Variants in MMP20 observed in about 807,000 individuals in gnomAD.
MMP20 encodes the protein matrix metalloproteinase-20.
In MMP20, 50 loss-of-function variants were observed where a neutral mutation model predicts 51.8. That is an observed-to-expected ratio of 0.97 (90% CI 0.77 to 1.22). The LOEUF (loss-of-function observed/expected upper bound fraction) is 1.22. MMP20 is among the 50% of genes most tolerant of loss of function. The pLI, the probability that MMP20 is intolerant of heterozygous loss-of-function variation, is 0.00. For synonymous variants in MMP20, 244 were observed against 216.2 expected, an observed-to-expected ratio of 1.13 and a Z score of -1.13; for missense variants, 663 against 601.4, an observed-to-expected ratio of 1.10 and a Z score of -1.07.
intron 8 of MMP20, among the ~76,000 whole-genome samples, chr11:102,580,313 A>G (rs1159371296): frequency 6.6e-6 from 1 of 152,258 alleles, no homozygotes; most frequent in Non-Finnish European, 1.5e-5. Flanking sequence ...TCATTAGCAC[A>G]GAGTTCCAAA....
intron 1 of MMP20, among the ~76,000 whole-genome samples, chr11:102,622,135 A>G (rs763116125): frequency 6.6e-6 from 1 of 152,256 alleles, no homozygotes; most frequent in Admixed American, 6.5e-5. Flanking sequence ...ACAAGTGGAC[A>G]TTAAATAAAT....
chr11:102,585,688 G>C (rs1429486294), intron 8 of MMP20, among the ~76,000 whole-genome samples: 1 of 152,118 alleles, frequency 6.6e-6, no homozygotes, highest in Non-Finnish European at 1.5e-5. Flanking sequence ...TTGATGTTAG[G>C]AGGAATGCAT....
intron 6 of MMP20, among the ~76,000 whole-genome samples, chr11:102,600,213 G>A (rs1042881832): frequency 2.0e-5 from 3 of 152,138 alleles, no homozygotes; most frequent in Non-Finnish European, 2.9e-5. Context: ...CCTGTTCCAT[G>A]GTGGGCTTAC....
At chr11:102,605,946 C>T (rs1005280154) in intron 6 of MMP20, among the ~76,000 whole-genome samples, 21 of 152,058 alleles carry the variant, frequency 1.4e-4, no homozygotes, top group Admixed American at 1.0e-3. Flanking sequence ...GTGAAAGGCC[C>T]GGAGGCACTG....
intron 8 of MMP20, among the ~76,000 whole-genome samples, chr11:102,589,821 T>C (rs1310409539): frequency 2.6e-5 from 4 of 152,168 alleles, no homozygotes; most frequent in Non-Finnish European, 5.9e-5. Context: ...AAAACAAGAT[T>C]TTTGAACCCT....
chr11:102,593,624 A>G (rs781132925), intron 7 of MMP20, 29 bp from the exon 8 acceptor site: 3 of 1,612,874 alleles, frequency 1.9e-6, no homozygotes, highest in East Asian at 2.2e-5. Context: ...GTTTACGAAA[A>G]CTCTGCACCA....
chr11:102,606,430 T>C, intron 6 of MMP20, 105 bp downstream of exon 6: 2 of 1,447,942 alleles, frequency 1.4e-6, no homozygotes, highest in Non-Finnish European at 1.9e-6. Flanking sequence ...GGACAGCATT[T>C]CTGCATGATC....
intron 8 of MMP20, among the ~76,000 whole-genome samples, chr11:102,588,771 G>T (rs1272356145): frequency 6.6e-6 from 1 of 151,590 alleles, no homozygotes; most frequent in Non-Finnish European, 1.5e-5. Flanking sequence ...CTCTGGTCAG[G>T]CAATCTGCAA....
chr11:102,622,451 T>G (rs1859762865), intron 1 of MMP20, among the ~76,000 whole-genome samples: 1 of 152,170 alleles, frequency 6.6e-6, no homozygotes, highest in South Asian at 2.1e-4. Flanking sequence ...AGCTGCTGTT[T>G]CCTCCGTCTG....
chr11:102,613,275 C>T (rs1489534538), intron 2 of MMP20, among the ~76,000 whole-genome samples: 2 of 152,150 alleles, frequency 1.3e-5, no homozygotes, highest in African/African-American at 2.4e-5. Context: ...GGGAGGGCAA[C>T]TTCTACCCGA....
intron 1 of MMP20, among the ~76,000 whole-genome samples, chr11:102,624,364 T>G (rs1859789250): frequency 1.6e-5 from 2 of 127,410 alleles, no homozygotes; most frequent in Non-Finnish European, 3.4e-5. Context: ...AGGTTAAGGA[T>G]GCCACCCTTC....
At chr11:102,625,017 C>T (rs532990589) in intron 1 of MMP20, among the ~76,000 whole-genome samples, 177 bp downstream of exon 1, 1 of 152,198 alleles carries the variant, frequency 6.6e-6, no homozygotes, top group African/African-American at 2.4e-5. Flanking sequence ...CATGGTACAC[C>T]TAATATGCAC....
chr11:102,618,544 C>G (rs1025450222), intron 1 of MMP20, among the ~76,000 whole-genome samples: 19 of 151,694 alleles, frequency 1.3e-4, no homozygotes, highest in African/African-American at 4.6e-4. Flanking sequence ...CTACTAAGAT[C>G]AGTTTTGAAA....
At position 102,577,119 on chromosome 11, in the gene MMP20, C is replaced by T. The variant is rs1859134912; in HGVS notation, c.*207G>A. On this transcript the variant is annotated 3_prime_UTR_variant, in exon 10 of 10. Transcript: ENST00000260228. ...TTGATTTGGATTTCGCATAAAGTTG[C>T]CCATATAAAAACTTTTCTAATGTGG... 2 of 546,460 alleles carry T rather than the reference C, an allele frequency of 3.7e-6. No individual in the cohort carries two copies. Among genetic ancestry groups the T allele is most frequent in the Non-Finnish European group, 6.6e-6 (2 of 305,174 alleles). The allele number at this position is 546,460 out of a possible 1,614,324, so 33.9% of individuals were successfully genotyped here. A position where few individuals can be genotyped will look rare whatever the true frequency, so the allele number is the denominator to read the frequency against.
Position 102,617,021 on chromosome 11 carries a change from G to C in MMP20, c.165C>G (p.His55Gln). 1 of 1,614,078 alleles carries C rather than the reference G, an allele frequency of 6.2e-7. No homozygotes were observed. Among genetic ancestry groups the C allele is most frequent in the South Asian group, 1.1e-5 (1 of 91,076 alleles). ...LDKYYTNKEG[H>Q]QIGEMVARGS... ...CTCTTGCAACCATCTCACCAATCTG[G>C]TGTCCTTCTTTATTTGTGTAATATT... The change falls in exon 2 of 10, where the codon CAC (histidine) becomes CAG (glutamine). Residue 55 changes from histidine (H) to glutamine (Q), a missense_variant. Coordinates refer to ENST00000260228, the MANE Select transcript of MMP20 (RefSeq NM_004771.4).
rs116893160 is a variant in MMP20 at position 102,586,941 on chromosome 11, A to G, written c.1247+6498T>C. On this transcript the variant is annotated intron_variant, in intron 8 of 9. Coordinates refer to ENST00000260228, the MANE Select transcript of MMP20 (RefSeq NM_004771.4). ...TTCTCAAATTGTTTATTTATCATCTATTTTATTTATTTCCATTATAATGTT... is the reference window on the plus strand; with the variant it reads ...TTCTCAAATTGTTTATTTATCATCTGTTTTATTTATTTCCATTATAATGTT... Among the ~76,000 whole-genome samples, 331 of 152,088 alleles carry G rather than the reference A, an allele frequency of 2.2e-3. 1 individual carries two copies. The highest frequency in any genetic ancestry group is 0.013 in the East Asian group (67 of 5,192).
intron 8 of MMP20, among the ~76,000 whole-genome samples, chr11:102,581,916 C>T (rs1379993695): frequency 6.6e-6 from 1 of 152,106 alleles, no homozygotes; most frequent in African/African-American, 2.4e-5. Context: ...TGAGTATCTG[C>T]TAAAATCATT....
chr11:102,597,747 T>A (rs138515257), intron 6 of MMP20, among the ~76,000 whole-genome samples: 4 of 152,206 alleles, frequency 2.6e-5, no homozygotes, highest in Admixed American at 6.5e-5. Flanking sequence ...CCATCACTTA[T>A]ATAAATTATG....
At chr11:102,613,048 A>G (rs1264344081) in intron 2 of MMP20, among the ~76,000 whole-genome samples, 2 of 152,086 alleles carry the variant, frequency 1.3e-5, no homozygotes, top group African/African-American at 2.4e-5. Flanking sequence ...AAAATAATAC[A>G]TTCTTAAAGA....
Sources: gnomAD v4.1 joint callset for allele counts (sites outside exome capture counted in the v4.1 genomes callset) on GRCh38, gnomAD v4.1.1 for gene constraint, MANE v1.5 for transcripts, NCBI Gene and HGNC (gene_info 2026-07-23, HGNC 2026-07-21) for gene names.